Variants in CSTF3 observed in about 807,000 individuals in gnomAD.
The protein encoded by CSTF3 is CF-1 77 kDa subunit.
Under a neutral mutation model 105.8 loss-of-function variants are expected in CSTF3, and 29 were observed. That is an observed-to-expected ratio of 0.27 (90% CI 0.20 to 0.37). CSTF3 has a LOEUF of 0.37. Among genes scored for constraint, CSTF3 ranks in the 10% least tolerant of loss-of-function variants. The pLI is 1.00. For synonymous variants in CSTF3, 252 were observed against 281.9 expected (o/e 0.89, Z 1.06); for missense variants, 357 against 879.3 (o/e 0.41, Z 7.51).
chr11:33,150,551 T>C (rs1590288441), intron 1 of CSTF3, among the ~76,000 whole-genome samples: 2 of 152,030 alleles, frequency 1.3e-5, no homozygotes. Context: ...CATGTACAAC[T>C]GGCTAAAAGA....
At chr11:33,143,506 T>C (rs1376778019) in intron 1 of CSTF3, among the ~76,000 whole-genome samples, 1 of 152,148 alleles carries the variant, frequency 6.6e-6, no homozygotes, top group African/African-American at 2.4e-5. Context: ...TCCCAGCACT[T>C]TGGGAGGCCG....
chr11:33,150,137 C>T (rs904970007), intron 1 of CSTF3, among the ~76,000 whole-genome samples: 7 of 150,000 alleles, frequency 4.7e-5, no homozygotes, highest in Non-Finnish European at 1.0e-4. Flanking sequence ...ATTGCTTGAA[C>T]CCGGGAGGCG....
chr11:33,135,345 T>C (rs916510656), intron 3 of CSTF3, among the ~76,000 whole-genome samples: 2 of 152,222 alleles, frequency 1.3e-5, no homozygotes, highest in African/African-American at 4.8e-5. Flanking sequence ...TCCAGGCAAG[T>C]ATAGGAAATA....
chr11:33,088,536 T>C (rs2133767752), intron 17 of CSTF3, among the ~76,000 whole-genome samples: 1 of 152,252 alleles, frequency 6.6e-6, no homozygotes, highest in African/African-American at 2.4e-5. Flanking sequence ...CACCTTGGCC[T>C]CCCAAAGTGC....
chr11:33,095,795 C>A (rs904307868), intron 15 of CSTF3, among the ~76,000 whole-genome samples: 3 of 145,524 alleles, frequency 2.1e-5, no homozygotes, highest in African/African-American at 7.4e-5. Flanking sequence ...GCACTCCAGC[C>A]TGGGCGACAG....
intron 4 of CSTF3, 138 bp from the exon 5 acceptor site, chr11:33,108,138 C>T: frequency 1.6e-6 from 1 of 609,144 alleles, no homozygotes; most frequent in Non-Finnish European, 2.6e-6. Context: ...ATAATTTCCC[C>T]ATTTTCAGTT....
chr11:33,156,602 A>G (rs770557741), intron 1 of CSTF3: 1 of 435,596 alleles, frequency 2.3e-6, no homozygotes, highest in Non-Finnish European at 4.6e-6. Flanking sequence ...TCTTAGAATC[A>G]TGTAGCTTTT....
chr11:33,097,157 G>A (rs1304250960), intron 13 of CSTF3, among the ~76,000 whole-genome samples, 179 bp from the exon 14 acceptor site: 2 of 151,904 alleles, frequency 1.3e-5, no homozygotes, highest in Non-Finnish European at 2.9e-5. Flanking sequence ...TTTTTTTATT[G>A]AGACATAATT....
At chr11:33,117,336 C>A (rs1855440434) in intron 3 of CSTF3, among the ~76,000 whole-genome samples, 1 of 151,774 alleles carries the variant, frequency 6.6e-6, no homozygotes, top group East Asian at 1.9e-4. Flanking sequence ...TGGAATATGC[C>A]ACAGGTCAAA....
chr11:33,118,697 C>T (rs556889552), intron 3 of CSTF3, among the ~76,000 whole-genome samples: 12 of 151,224 alleles, frequency 7.9e-5, no homozygotes, highest in South Asian at 6.3e-4. Context: ...TCATTTGAGA[C>T]GCTCCAGCTA....
chr11:33,095,814 T>G (rs7938022), intron 15 of CSTF3, among the ~76,000 whole-genome samples: 11 of 148,712 alleles, frequency 7.4e-5, no homozygotes, highest in African/African-American at 2.4e-4. Flanking sequence ...AGCGAGACTC[T>G]GTCTCAAATA....
chr11:33,109,926 C>G (rs1855363057), intron 3 of CSTF3, among the ~76,000 whole-genome samples: 2 of 152,146 alleles, frequency 1.3e-5, no homozygotes, highest in South Asian at 4.1e-4. Flanking sequence ...CCAGTAGATT[C>G]CCCAGGCAAT....
chr11:33,106,448 G>A (rs1855326299), intron 5 of CSTF3, among the ~76,000 whole-genome samples: 1 of 151,998 alleles, frequency 6.6e-6, no homozygotes, highest in South Asian at 2.1e-4. Context: ...ATTATTTGAA[G>A]ATAGACGTGG....
intron 1 of CSTF3, among the ~76,000 whole-genome samples, chr11:33,155,206 A>T (rs2133809848): frequency 6.6e-6 from 1 of 152,028 alleles, no homozygotes. Flanking sequence ...AATATAAAAA[A>T]TTAGCTGGGC....
chr11:33,148,556 C>T (rs1206070424), intron 1 of CSTF3, among the ~76,000 whole-genome samples: 3 of 147,304 alleles, frequency 2.0e-5, no homozygotes, highest in South Asian at 2.5e-4. Context: ...AATTAGCAGG[C>T]GTGGTGGTAT....
chr11:33,107,081 G>C (rs1272846718), intron 5 of CSTF3, among the ~76,000 whole-genome samples: 1 of 151,896 alleles, frequency 6.6e-6, no homozygotes, highest in Non-Finnish European at 1.5e-5. Context: ...GACCAGCCTA[G>C]GGACATTAAC....
In CSTF3 at chr11:33,161,282, C is replaced by A; in HGVS notation, c.27+17G>T. On this transcript the variant is annotated intron_variant, in intron 1 of 20. Coordinates refer to ENST00000323959, the MANE Select transcript of CSTF3 (RefSeq NM_001326.3). Reference sequence around the variant, plus strand: ...GAGAAGAGGTCGCCACGAGGCCCCACCACTCTCCTTCCTCACCTGCTCCGT... The same window carrying A: ...GAGAAGAGGTCGCCACGAGGCCCCAACACTCTCCTTCCTCACCTGCTCCGT... The A allele has an allele frequency of 1.2e-6, 2 of 1,613,206 alleles. No individual in the cohort carries two copies. Among genetic ancestry groups the A allele is most frequent in the Non-Finnish European group, 1.7e-6 (2 of 1,180,004 alleles).
At position 33,159,528 on chromosome 11, in the gene CSTF3, G is replaced by A. The variant is rs374794345; in HGVS notation, c.27+1771C>T. ...AGGAGAATCGCTTGAACCGGGAGGCGGAGGCTGCAGTAAGGCGAAATCGCG... is the reference window on the plus strand; with the variant it reads ...AGGAGAATCGCTTGAACCGGGAGGCAGAGGCTGCAGTAAGGCGAAATCGCG... On this transcript the variant is annotated intron_variant, in intron 1 of 20. Coordinates refer to ENST00000323959, the MANE Select transcript of CSTF3 (RefSeq NM_001326.3). Among the ~76,000 whole-genome samples the A allele has an allele frequency of 3.4e-5, 5 of 147,892 alleles. No individual in the cohort carries two copies. The East Asian group carries it at 5.9e-4, about 18-fold the overall frequency.
chr11:33,112,970 G>A lies in CSTF3; in HGVS notation c.226-4552C>T, dbSNP rs542026484. ...CACCTGTAATCCCAGTGCTTTGGGAGGCCTCGGTGGGTGGATTGCTTGAGG... is the reference window on the plus strand; with the variant it reads ...CACCTGTAATCCCAGTGCTTTGGGAAGCCTCGGTGGGTGGATTGCTTGAGG... On this transcript the variant is annotated intron_variant, in intron 3 of 20. Transcript: ENST00000323959. Among the ~76,000 whole-genome samples the A allele has an allele frequency of 4.5e-4, 68 of 152,174 alleles. No individual in the cohort carries two copies. The South Asian group carries it at 0.014, about 31-fold the overall frequency.
Sources: allele counts gnomAD v4.1 joint callset (sites outside exome capture counted in the v4.1 genomes callset), GRCh38; gene constraint gnomAD v4.1.1; transcripts MANE v1.5; gene names NCBI Gene and HGNC (gene_info 2026-07-23, HGNC 2026-07-21).